Variants in TRAM1 observed in about 807,000 individuals in gnomAD.
TRAM1 encodes the protein translocation associated membrane protein 1.
TRAM1 carries 17 observed loss-of-function variants against 48.7 expected under a neutral mutation model. The ratio of observed to expected loss-of-function variants is 0.35; its 90% CI spans 0.24 to 0.52. TRAM1 has a LOEUF of 0.52. Ranked by LOEUF, TRAM1 falls within the 20% of genes least tolerant of loss-of-function variation. TRAM1 has a pLI of 0.94. For missense variants in TRAM1, 351 were observed against 441.5 expected (o/e 0.79, Z 1.84); for synonymous variants, 182 against 154.0 (o/e 1.18, Z -1.34).
At chr8:70,602,301 G>GTAGA (rs780141871) in intron 1 of TRAM1, among the ~76,000 whole-genome samples, 2 of 152,226 alleles carry the variant, frequency 1.3e-5, no homozygotes, top group Non-Finnish European at 2.9e-5. Context: ...GTGGTATCCA[G>GTAGA]TAGATGCCAG....
chr8:70,602,964 T>C (rs1817634337), intron 1 of TRAM1, among the ~76,000 whole-genome samples: 1 of 152,172 alleles, frequency 6.6e-6, no homozygotes, highest in African/African-American at 2.4e-5. Flanking sequence ...TGAACTCTGT[T>C]ATCCTAGAAT....
At chr8:70,593,040 C>A (rs2132036846) in intron 6 of TRAM1, among the ~76,000 whole-genome samples, 1 of 152,232 alleles carries the variant, frequency 6.6e-6, no homozygotes, top group South Asian at 2.1e-4. Context: ...CTGGGCCTAA[C>A]AATTTTATCT....
At chr8:70,579,868 AT>A (rs967717659) in intron 10 of TRAM1, among the ~76,000 whole-genome samples, 1 of 152,194 alleles carries the variant, frequency 6.6e-6, no homozygotes, top group Non-Finnish European at 1.5e-5. Context: ...AAGGTATAAT[AT>A]TTATAGACGC....
intron 6 of TRAM1, among the ~76,000 whole-genome samples, chr8:70,592,865 T>C (rs1294208728): frequency 6.6e-6 from 1 of 152,228 alleles, no homozygotes; most frequent in Non-Finnish European, 1.5e-5. Context: ...CCACAGTAGC[T>C]AATAAGCACT....
At chr8:70,595,159 C>A (rs934312303) in intron 5 of TRAM1, among the ~76,000 whole-genome samples, 2 of 151,754 alleles carry the variant, frequency 1.3e-5, no homozygotes, top group Non-Finnish European at 2.9e-5. Context: ...CACAAGGGCT[C>A]TCCAGGAGCT....
chr8:70,583,077 C>A, intron 10 of TRAM1, 87 bp downstream of exon 10: 1 of 1,411,812 alleles, frequency 7.1e-7, no homozygotes, highest in Non-Finnish European at 9.6e-7. Flanking sequence ...TTATAAGACA[C>A]CTTAAAACTA....
intron 8 of TRAM1, among the ~76,000 whole-genome samples, chr8:70,584,724 G>A (rs1380169487): frequency 6.6e-6 from 1 of 151,680 alleles, no homozygotes. Context: ...ACTTACAAGG[G>A]ATGTGAAGGA....
chr8:70,602,784 G>A (rs1357359943), intron 1 of TRAM1, among the ~76,000 whole-genome samples: 1 of 152,108 alleles, frequency 6.6e-6, no homozygotes, highest in African/African-American at 2.4e-5. Flanking sequence ...GAGAGGCACC[G>A]AAAAGGCCAA....
At chr8:70,586,416 G>A (rs2132031189) in intron 8 of TRAM1, among the ~76,000 whole-genome samples, 3 of 151,804 alleles carry the variant, frequency 2.0e-5, no homozygotes, top group African/African-American at 2.4e-5. Context: ...AAAACTTAAA[G>A]TATAATAATA....
intron 2 of TRAM1, 21 bp downstream of exon 2, chr8:70,599,998 T>C (rs1817571601): frequency 6.2e-7 from 1 of 1,604,796 alleles, no homozygotes; most frequent in East Asian, 2.2e-5. Context: ...ACGTAGAAAA[T>C]TCTTAGCGTA....
At chr8:70,606,456 A>C (rs944684758) in intron 1 of TRAM1, among the ~76,000 whole-genome samples, 2 of 152,194 alleles carry the variant, frequency 1.3e-5, no homozygotes, top group African/African-American at 4.8e-5. Context: ...TTGGCCTCCC[A>C]AAGTGTTGGG....
At chr8:70,583,841 G>A in intron 8 of TRAM1, 48 bp from the exon 9 acceptor site, 1 of 1,514,456 alleles carries the variant, frequency 6.6e-7, no homozygotes, top group Non-Finnish European at 8.8e-7. Flanking sequence ...TCAAAAACAA[G>A]ATTCTATTAG....
At chr8:70,575,667 T>A (rs1409361385) in intron 10 of TRAM1, among the ~76,000 whole-genome samples, 2 of 152,170 alleles carry the variant, frequency 1.3e-5, no homozygotes, top group Admixed American at 1.3e-4. Context: ...AAAAGTTGCA[T>A]ACAGAAATGG....
rs1817798264 is a variant in TRAM1 at position 70,608,271 on chromosome 8, C to T, written c.-72G>A. ...TCTTCCCAGCTGCTCACCGACTCGC[C>T]GCCGCCTCCCGCTGGCTGCTCCTCA... On this transcript the variant is annotated 5_prime_UTR_variant, in exon 1 of 11. Coordinates refer to ENST00000262213, the MANE Select transcript of TRAM1 (RefSeq NM_014294.6). The T allele has an allele frequency of 6.8e-7, 1 of 1,476,044 alleles. No homozygotes were observed. The highest frequency in any genetic ancestry group is 9.0e-7 in the Non-Finnish European group (1 of 1,115,968). 91.4% of individuals were successfully genotyped at this position (1,476,044 alleles called of 1,614,324 possible). A position where few individuals can be genotyped will look rare whatever the true frequency, so the allele number is the denominator to read the frequency against.
Position 70,608,360 on chromosome 8 carries a change from G to A in TRAM1, c.-161C>T, listed in dbSNP as rs774528537. ...ATCCCACAGCCAGTACGCAGCCGCC[G>A]GGCCGCCCGGGGGAAAAAAAAAAAC... On this transcript the variant is annotated 5_prime_UTR_variant, in exon 1 of 11. Coordinates refer to ENST00000262213, the MANE Select transcript of TRAM1 (RefSeq NM_014294.6). The A allele has an allele frequency of 8.1e-6, 6 of 736,730 alleles. No homozygotes were observed. Among genetic ancestry groups the A allele is most frequent in the African/African-American group, 6.9e-5 (2 of 28,912 alleles). The allele number at this position is 736,730 out of a possible 1,614,324, so 45.6% of individuals were successfully genotyped here. A position where few individuals can be genotyped will look rare whatever the true frequency, so the allele number is the denominator to read the frequency against.
In TRAM1 at chr8:70,608,351, G is replaced by T; in HGVS notation, c.-152C>A. The T allele has an allele frequency of 1.1e-6, 1 of 916,316 alleles. No individual in the cohort carries two copies. Among genetic ancestry groups the T allele is most frequent in the Non-Finnish European group, 1.5e-6 (1 of 680,640 alleles). 56.8% of individuals were successfully genotyped at this position (916,316 alleles called of 1,614,324 possible). ...TCACTTCCCATCCCACAGCCAGTAC[G>T]CAGCCGCCGGGCCGCCCGGGGGAAA... On this transcript the variant is annotated 5_prime_UTR_variant, in exon 1 of 11. Coordinates refer to ENST00000262213, the MANE Select transcript of TRAM1 (RefSeq NM_014294.6).
At chr8:70,577,016 CTCTT>C (rs1460632356) in intron 10 of TRAM1, among the ~76,000 whole-genome samples, 2 of 152,218 alleles carry the variant, frequency 1.3e-5, no homozygotes, top group Non-Finnish European at 2.9e-5. Context: ...GGGCTTTTCT[CTCTT>C]TCTTGTCATC....
intron 6 of TRAM1, among the ~76,000 whole-genome samples, chr8:70,592,408 G>A (rs1202129965): frequency 6.6e-6 from 1 of 152,170 alleles, no homozygotes; most frequent in Non-Finnish European, 1.5e-5. Flanking sequence ...TTAAGAAACT[G>A]TTTAACACAT....
At position 70,576,941 on chromosome 8, in the gene TRAM1, A is replaced by G. The variant is rs541361965; in HGVS notation, c.1052-1936T>C. 1.4e-4 allele frequency among the ~76,000 whole-genome samples: 21 copies of G among 152,274 alleles called. No homozygotes were observed. In the East Asian group the frequency reaches 3.7e-3, roughly 27 times the overall value. On this transcript the variant is annotated intron_variant, in intron 10 of 10. Transcript: ENST00000262213. ...CTGGCGTCTGCTAGTTTTGGAGTGA[A>G]GGTGAGACTGACCCTGGGATTAGAG...
Sources: gnomAD v4.1 joint callset for allele counts (sites outside exome capture counted in the v4.1 genomes callset) on GRCh38, gnomAD v4.1.1 for gene constraint, MANE v1.5 for transcripts, NCBI Gene and HGNC (gene_info 2026-07-23, HGNC 2026-07-21) for gene names.